C2CD5: variants seen among roughly 807,000 people sequenced by gnomAD.
C2CD5 encodes C2 domain-containing protein 5.
In C2CD5, 109 loss-of-function variants were observed where a neutral mutation model predicts 130.3. The ratio of observed to expected loss-of-function variants is 0.84; its 90% CI spans 0.72 to 0.98. The LOEUF is 0.98. Among genes scored for constraint, C2CD5 ranks in the 50% least tolerant of loss-of-function variants. The pLI is 0.00. For synonymous variants in C2CD5, 454 were observed against 429.2 expected (o/e 1.06, Z -0.71); for missense variants, 996 against 1,261.8 (o/e 0.79, Z 3.19).
intron 26 of C2CD5, among the ~76,000 whole-genome samples, chr12:22,450,809 A>C (rs1938423538): frequency 6.6e-6 from 1 of 152,194 alleles, no homozygotes; most frequent in East Asian, 1.9e-4. Context: ...AATAACCTAA[A>C]TATTTATCAG....
At chr12:22,454,337 G>A (rs1401952572) in intron 25 of C2CD5, among the ~76,000 whole-genome samples, 1 of 152,068 alleles carries the variant, frequency 6.6e-6, no homozygotes, top group Non-Finnish European at 1.5e-5. Flanking sequence ...TAAATGGCAA[G>A]GCAAGAATTC....
In C2CD5 at chr12:22,482,594, T is replaced by C; in HGVS notation, c.1700A>G (p.Gln567Arg). 3 of 1,613,892 alleles carry C rather than the reference T, an allele frequency of 1.9e-6. No individual in the cohort carries two copies. The highest frequency in any genetic ancestry group is 2.5e-6 in the Non-Finnish European group (3 of 1,179,870). ...GMNALFGLRI[Q>R]ITVGENMLMG... ...CAACATATTTTCACCCACTGTGATC[T>C]GAATTCTTAGTCCAAACAAAGCATT... Residue 567 changes from glutamine to arginine, a missense_variant, in exon 14 of 27, where the codon CAG (glutamine) becomes CGG (arginine). By Grantham distance (43) the Gln-to-Arg change is conservative. Transcript: ENST00000446597.
rs1056768053 is a variant in C2CD5, at chr12:22,448,733, G to A, written c.*1027C>T. The A allele has an allele frequency of 1.3e-5, 2 of 152,674 alleles. No individual in the cohort carries two copies. The highest frequency in any genetic ancestry group is 1.3e-4 in the Admixed American group (2 of 15,276). 9.5% of individuals were successfully genotyped at this position (152,674 alleles called of 1,614,324 possible). A position where few individuals can be genotyped will look rare whatever the true frequency, so the allele number is the denominator to read the frequency against. Reference sequence around the variant, plus strand: ...AAGTGTTATAAAGAAATATTATTGTGCAAAGGAGGAATGTAATATTTAAGG... The same window carrying A: ...AAGTGTTATAAAGAAATATTATTGTACAAAGGAGGAATGTAATATTTAAGG... On this transcript the variant is annotated 3_prime_UTR_variant, in exon 27 of 27. Transcript: ENST00000446597.
At chr12:22,543,960 A>G in intron 2 of C2CD5, 101 bp downstream of exon 2, 1 of 838,472 alleles carries the variant, frequency 1.2e-6, no homozygotes, top group Non-Finnish European at 2.0e-6. Context: ...AAGGGAGGGC[A>G]GTCGAGGGGG....
At chr12:22,479,928 TTTG>T (rs1358453778) in intron 14 of C2CD5, among the ~76,000 whole-genome samples, 1 of 152,124 alleles carries the variant, frequency 6.6e-6, no homozygotes, top group African/African-American at 2.4e-5. Context: ...ACTCTAGATA[TTTG>T]TTATTATTAT....
chr12:22,454,078 T>TCCATAC, intron 25 of C2CD5, 36 bp from the exon 26 acceptor site: 1 of 1,539,166 alleles, frequency 6.5e-7, no homozygotes, highest in Non-Finnish European at 9.0e-7. Context: ...ATACTATATA[T>TCCATAC]ACATGTGTAT....
chr12:22,514,441 G>A (rs1325708337), intron 8 of C2CD5, among the ~76,000 whole-genome samples: 39 of 151,844 alleles, frequency 2.6e-4, no homozygotes, highest in Admixed American at 2.6e-3. Context: ...ATCTTTATAC[G>A]AAGCATATTA....
At chr12:22,493,092 C>T (rs1252382300) in intron 11 of C2CD5, 131 bp downstream of exon 11, 3 of 496,038 alleles carry the variant, frequency 6.0e-6, no homozygotes, top group Non-Finnish European at 7.1e-6. Flanking sequence ...AAACCTTAAT[C>T]TAATGTACTC....
At chr12:22,515,466 C>T (rs1949625902) in intron 8 of C2CD5, among the ~76,000 whole-genome samples, 1 of 151,932 alleles carries the variant, frequency 6.6e-6, no homozygotes, top group Non-Finnish European at 1.5e-5. Flanking sequence ...ACTTGCCTGC[C>T]CTTTTTGGCT....
rs985510162 is a variant in C2CD5, at chr12:22,492,458, G to A, written c.1262+765C>T. On this transcript the variant is annotated intron_variant, in intron 11 of 26. Transcript: ENST00000446597. ...TTTATAGTTTCAAAATTTTAAGGCG[G>A]AACAGTTTCAAGTGATACTGAGGTC... Among the ~76,000 whole-genome samples the A allele has an allele frequency of 2.8e-4, 43 of 152,136 alleles. 1 individual carries two copies. The highest frequency in any genetic ancestry group is 2.8e-3 in the Admixed American group (43 of 15,258).
chr12:22,506,130 G>A (rs1347241142), intron 10 of C2CD5, among the ~76,000 whole-genome samples: 2 of 152,102 alleles, frequency 1.3e-5, no homozygotes, highest in African/African-American at 2.4e-5. Context: ...CCATGGACTG[G>A]TTTGGTTCCC....
chr12:22,512,869 T>C lies in C2CD5; in HGVS notation c.1038+425A>G, dbSNP rs180769429. Among the ~76,000 whole-genome samples, 270 of 152,144 alleles carry C rather than the reference T, an allele frequency of 1.8e-3. 1 individual carries two copies. Among genetic ancestry groups the C allele is most frequent in the African/African-American group, 6.3e-3 (263 of 41,572 alleles). ...AGAAATATAGAATCTGTACATTTCT[T>C]ATTCCTAAGAGATTGGTCAATGATA... is the stretch of plus-strand genomic sequence containing the variant. On this transcript the variant is annotated intron_variant, in intron 9 of 26. Coordinates refer to ENST00000446597, the MANE Select transcript of C2CD5 (RefSeq NM_001286176.2).
In C2CD5 at chr12:22,473,102, T is replaced by C. The variant is rs1225673042; in HGVS notation, c.2044-295A>G. On this transcript the variant is annotated intron_variant, in intron 16 of 26. Coordinates refer to ENST00000446597, the MANE Select transcript of C2CD5 (RefSeq NM_001286176.2). ...AAGACATCATAAGCAATCATTATTC[T>C]AATTTGTTTAAATTAATAAAGTGTA... 4.6e-5 allele frequency among the ~76,000 whole-genome samples: 7 copies of C among 152,332 alleles called. No individual in the cohort carries two copies. The South Asian group carries it at 1.2e-3, about 27-fold the overall frequency.
At chr12:22,488,251 T>C (rs1045289959) in intron 12 of C2CD5, among the ~76,000 whole-genome samples, 2 of 151,682 alleles carry the variant, frequency 1.3e-5, no homozygotes, top group African/African-American at 4.8e-5. Context: ...ATAGGCAGCA[T>C]AGTGAATTAG....
At chr12:22,466,932 C>G (rs1375054487) in intron 22 of C2CD5, among the ~76,000 whole-genome samples, 1 of 152,090 alleles carries the variant, frequency 6.6e-6, no homozygotes, top group East Asian at 1.9e-4. Flanking sequence ...CTCTTTGAGA[C>G]CCTTTCTTCA....
In C2CD5 at chr12:22,535,231, C is replaced by CA. The variant is rs779204251; in HGVS notation, c.177+26dup. ...AAGAGTCACCTCAAAAAAATACACT[C>CA]AAAAATGCTGACATTTAAAAACTTA... is the stretch of plus-strand genomic sequence containing the variant. On this transcript the variant is annotated intron_variant, in intron 3 of 26. Transcript: ENST00000446597. 149 of 1,320,752 alleles carry CA rather than the reference C, an allele frequency of 1.1e-4. No homozygotes were observed. The African/African-American group carries it at 1.6e-3, about 14-fold the overall frequency. The allele number at this position is 1,320,752 out of a possible 1,614,324, so 81.8% of individuals were successfully genotyped here. A position where few individuals can be genotyped will look rare whatever the true frequency, so the allele number is the denominator to read the frequency against.
chr12:22,449,633 A>C lies in C2CD5; in HGVS notation c.*127T>G. On this transcript the variant is annotated 3_prime_UTR_variant, in exon 27 of 27. Coordinates refer to ENST00000446597, the MANE Select transcript of C2CD5 (RefSeq NM_001286176.2). ...CTCATGCCTCCAAAAGACTCCAGGC[A>C]AATCAAATCTACTCAATTCTTCCTT... 1 of 859,056 alleles carries C rather than the reference A, an allele frequency of 1.2e-6. No individual in the cohort carries two copies. The highest frequency in any genetic ancestry group is 1.8e-6 in the Non-Finnish European group (1 of 568,536). 53.2% of individuals were successfully genotyped at this position (859,056 alleles called of 1,614,324 possible).
chr12:22,484,843 T>C lies in C2CD5; in HGVS notation c.1404A>G (p.Pro468=), dbSNP rs779873305. ...GAAATGGCATATTCAGTTCATCATA[T>C]GGTATATGACAAAATCCACAACGTG... is the stretch of plus-strand genomic sequence containing the variant. ...LPTRCGFCHI[P]YDELNMPFPA... The change falls in exon 13 of 27, where the codon CCA becomes CCG. Residue 468 remains proline (P), a synonymous_variant. Transcript: ENST00000446597. The C allele has an allele frequency of 7.5e-6, 12 of 1,604,648 alleles. No homozygotes were observed. In the South Asian group the frequency reaches 7.8e-5, roughly 10 times the overall value.
intron 26 of C2CD5, among the ~76,000 whole-genome samples, chr12:22,451,787 T>C (rs565167401): frequency 6.6e-6 from 1 of 151,818 alleles, no homozygotes; most frequent in African/African-American, 2.4e-5. Context: ...AACAGATGAG[T>C]CTGAAAAGGT....
Sources: allele counts gnomAD v4.1 joint callset (sites outside exome capture counted in the v4.1 genomes callset), GRCh38; gene constraint gnomAD v4.1.1; transcripts MANE v1.5; gene names NCBI Gene and HGNC (gene_info 2026-07-23, HGNC 2026-07-21).